Variants in UBAC2 observed in about 807,000 individuals in gnomAD.
The protein encoded by UBAC2 is ubiquitin-associated domain-containing protein 2.
UBAC2 carries 26 observed loss-of-function variants against 44.0 expected under a neutral mutation model. The ratio of observed to expected loss-of-function variants is 0.59; its 90% CI spans 0.43 to 0.82. The LOEUF (loss-of-function observed/expected upper bound fraction) is 0.82, where lower values mean the gene tolerates loss of function less well. UBAC2 is among the 40% of genes least tolerant of loss of function. The pLI is 0.00. For synonymous variants in UBAC2, 155 were observed against 154.3 expected, an observed-to-expected ratio of 1.00 and a Z score of -0.04; for missense variants, 329 against 419.4, an observed-to-expected ratio of 0.78 and a Z score of 1.88.
chr13:99,207,679 C>T (rs1308123531), intron 1 of UBAC2, among the ~76,000 whole-genome samples: 4 of 145,768 alleles, frequency 2.7e-5, no homozygotes, highest in Non-Finnish European at 6.2e-5. Flanking sequence ...TTTGATGAGC[C>T]TAAGGTCCAC....
At chr13:99,296,277 A>T (rs2044171918) in intron 4 of UBAC2, 3 of 754,486 alleles carry the variant, frequency 4.0e-6, no homozygotes, top group Non-Finnish European at 3.9e-6. Context: ...ACTGTCTTTT[A>T]TATATCTAAG....
chr13:99,291,722 GT>G (rs2044091446), intron 4 of UBAC2, among the ~76,000 whole-genome samples: 1 of 152,178 alleles, frequency 6.6e-6, no homozygotes, highest in Admixed American at 6.5e-5. Context: ...TCTATATTGT[GT>G]AACTGCCTTC....
intron 1 of UBAC2, among the ~76,000 whole-genome samples, chr13:99,236,565 CTGGCTG>C (rs2043235086): frequency 6.6e-6 from 1 of 152,132 alleles, no homozygotes; most frequent in South Asian, 2.1e-4. Context: ...ATAACAGAGG[CTGGCTG>C]CTGGGCACGG....
At position 99,370,423 on chromosome 13, in the gene UBAC2, C is replaced by G. The variant is rs558706002; in HGVS notation, c.927+2517C>G. Among the ~76,000 whole-genome samples, 10 of 152,326 alleles carry G rather than the reference C, an allele frequency of 6.6e-5. No homozygotes were observed. In the South Asian group the frequency reaches 2.1e-3, roughly 32 times the overall value. ...AAATTATTTCAAACTACAACCTTTT[C>G]AAAATCTATAAAAGAAAGTTAAGAG... On this transcript the variant is annotated intron_variant, in intron 8 of 8. Coordinates refer to ENST00000403766, the MANE Select transcript of UBAC2 (RefSeq NM_001144072.2).
At chr13:99,363,216 A>C (rs1416115448) in intron 7 of UBAC2, among the ~76,000 whole-genome samples, 1 of 152,194 alleles carries the variant, frequency 6.6e-6, no homozygotes, top group East Asian at 1.9e-4. Context: ...ACTTCCACTA[A>C]TACCACATGA....
At chr13:99,241,756 T>TA (rs1405981679) in intron 2 of UBAC2, among the ~76,000 whole-genome samples, 9 of 151,448 alleles carry the variant, frequency 5.9e-5, no homozygotes, top group Non-Finnish European at 1.2e-4. Flanking sequence ...TTTTTTTTTT[T>TA]ATTGATCATT....
Position 99,295,407 on chromosome 13 carries a change from T to C in UBAC2, c.390-18690T>C, listed in dbSNP as rs902239077. 2 of 1,614,104 alleles carry C rather than the reference T, an allele frequency of 1.2e-6. No individual in the cohort carries two copies. The highest frequency in any genetic ancestry group is 1.7e-6 in the Non-Finnish European group (2 of 1,179,988). On this transcript the variant is annotated intron_variant, in intron 4 of 8. Transcript: ENST00000403766. This position sits in a 1 kb window ranked among gnomAD's most constrained non-coding sequence, Gnocchi z 4.1. ...AGAACAAACACAACAATAATAAGAA[T>C]AATTGTGTTGAGAGCCTTTTTGTTT...
chr13:99,311,596 A>G (rs2044412002), intron 4 of UBAC2, among the ~76,000 whole-genome samples: 1 of 152,258 alleles, frequency 6.6e-6, no homozygotes, highest in South Asian at 2.1e-4. Context: ...AATATTGAAT[A>G]TGGATCATGT....
At chr13:99,202,206 A>G (rs541861602) in intron 1 of UBAC2, among the ~76,000 whole-genome samples, 3 of 152,114 alleles carry the variant, frequency 2.0e-5, no homozygotes, top group Non-Finnish European at 4.4e-5. Context: ...TCACTTCTCA[A>G]CTTCTCAGGT....
intron 7 of UBAC2, among the ~76,000 whole-genome samples, chr13:99,350,589 C>T (rs1345192246): frequency 1.3e-5 from 2 of 152,248 alleles, no homozygotes; most frequent in East Asian, 3.8e-4. Flanking sequence ...AGGGGCCATG[C>T]CCCATGCCTT....
chr13:99,202,072 C>CAAA (rs776251286), intron 1 of UBAC2, among the ~76,000 whole-genome samples: 16 of 71,910 alleles, frequency 2.2e-4, no homozygotes, highest in African/African-American at 3.8e-4. Context: ...GACTCCATCT[C>CAAA]AAAAAAAAAA....
At chr13:99,323,507 A>G (rs2044597570) in intron 6 of UBAC2, among the ~76,000 whole-genome samples, 1 of 152,238 alleles carries the variant, frequency 6.6e-6, no homozygotes, top group African/African-American at 2.4e-5. Context: ...GGGACTTGTG[A>G]AAGGACCACA....
At chr13:99,374,937 CTCT>C (rs2045460695) in intron 8 of UBAC2, among the ~76,000 whole-genome samples, 1 of 152,238 alleles carries the variant, frequency 6.6e-6, no homozygotes. Flanking sequence ...CCTTTCAGAA[CTCT>C]TGTTTTCACA....
chr13:99,371,570 C>G (rs552745546), intron 8 of UBAC2, among the ~76,000 whole-genome samples: 1 of 152,154 alleles, frequency 6.6e-6, no homozygotes, highest in Non-Finnish European at 1.5e-5. Context: ...GTTTGTTTAA[C>G]CACTGTCTAA....
At chr13:99,310,580 AC>A (rs2138756841) in intron 4 of UBAC2, among the ~76,000 whole-genome samples, 1 of 152,380 alleles carries the variant, frequency 6.6e-6, no homozygotes, top group African/African-American at 2.4e-5. Context: ...AGAAATAGCA[AC>A]GGAAAATTTC....
intron 4 of UBAC2, among the ~76,000 whole-genome samples, chr13:99,285,489 C>G (rs918257144): frequency 1.3e-5 from 2 of 151,716 alleles, no homozygotes; most frequent in South Asian, 2.1e-4. Flanking sequence ...AACTTCTGGG[C>G]TCAAGGGATC....
chr13:99,295,133 G>A lies in UBAC2; in HGVS notation c.390-18964G>A, dbSNP rs1466524306. 1 of 1,614,076 alleles carries A rather than the reference G, an allele frequency of 6.2e-7. No homozygotes were observed. The highest frequency in any genetic ancestry group is 8.5e-7 in the Non-Finnish European group (1 of 1,179,988). On this transcript the variant is annotated intron_variant, in intron 4 of 8. Transcript: ENST00000403766. This position sits in a 1 kb window ranked among gnomAD's most constrained non-coding sequence, Gnocchi z 4.1. ...CATTTCACGTGAATTTTCTTCAGGGGCTGACTTCACAGCACTAGAAATCGA... is the reference window on the plus strand; with the variant it reads ...CATTTCACGTGAATTTTCTTCAGGGACTGACTTCACAGCACTAGAAATCGA...
At chr13:99,230,782 G>A (rs570431469) in intron 1 of UBAC2, among the ~76,000 whole-genome samples, 8 of 152,114 alleles carry the variant, frequency 5.3e-5, no homozygotes, top group Admixed American at 3.9e-4. Context: ...CGGTTGCAGC[G>A]GCTCACGCTT....
intron 7 of UBAC2, among the ~76,000 whole-genome samples, chr13:99,343,239 C>T (rs2044920128): frequency 6.6e-6 from 1 of 152,232 alleles, no homozygotes; most frequent in East Asian, 1.9e-4. Context: ...GGCCTACAGA[C>T]AGGCACTTCA....
Sources: gnomAD v4.1 joint callset for allele counts (sites outside exome capture counted in the v4.1 genomes callset) on GRCh38, gnomAD v4.1.1 for gene constraint, Gnocchi (gnomAD v3.1) non-coding constraint, MANE v1.5 for transcripts, NCBI Gene and HGNC (gene_info 2026-07-23, HGNC 2026-07-21) for gene names.